Variants in CFAP20 observed in about 807,000 individuals in gnomAD.
CFAP20 encodes the protein cilia and flagella associated protein 20.
In CFAP20, 14 loss-of-function variants were observed where a neutral mutation model predicts 25.5. That is an observed-to-expected ratio of 0.55 (90% CI 0.36 to 0.86). CFAP20 has a LOEUF of 0.86. Ranked by LOEUF, CFAP20 falls within the 40% of genes least tolerant of loss-of-function variation. The probability of loss-of-function intolerance (pLI) is 0.01; values close to 1 mark genes in which losing one functional copy is unlikely to be tolerated. For synonymous variants in CFAP20, 75 were observed against 91.1 expected (o/e 0.82, Z 1.01); for missense variants, 181 against 248.0 (o/e 0.73, Z 1.81).
At chr16:58,128,223 A>AT (rs2142371987) in intron 1 of CFAP20, among the ~76,000 whole-genome samples, 2 of 152,356 alleles carry the variant, frequency 1.3e-5, no homozygotes, top group African/African-American at 4.8e-5. Flanking sequence ...CAAAAAACAG[A>AT]TTCATCATCT....
chr16:58,117,719 C>T (rs570371489), intron 1 of CFAP20, among the ~76,000 whole-genome samples: 1 of 152,332 alleles, frequency 6.6e-6, no homozygotes, highest in Admixed American at 6.5e-5. Context: ...AGGCATGGGC[C>T]ACTGCGCCCG....
chr16:58,125,743 T>C (rs577364616), intron 1 of CFAP20, among the ~76,000 whole-genome samples: 5 of 152,340 alleles, frequency 3.3e-5, no homozygotes, highest in African/African-American at 7.2e-5. Context: ...GCCAGTAACA[T>C]AGTCATTTAT....
At chr16:58,126,713 T>A (rs965411879) in intron 1 of CFAP20, among the ~76,000 whole-genome samples, 1 of 152,136 alleles carries the variant, frequency 6.6e-6, no homozygotes, top group Non-Finnish European at 1.5e-5. Flanking sequence ...ATTTTCTCTA[T>A]CTTCCCAAGT....
In CFAP20 at chr16:58,115,127, C is replaced by T; in HGVS notation, c.465+142G>A. ...CCCGACTTCTGAATATTTCCTGGAC[C>T]TTTGTGAGGCCAAAGCTCCCTGGAC... On this transcript the variant is annotated intron_variant, in intron 4 of 5. Coordinates refer to ENST00000262498, the MANE Select transcript of CFAP20 (RefSeq NM_013242.3). The T allele has an allele frequency of 4.0e-6, 5 of 1,252,756 alleles. 1 individual carries two copies. The South Asian group carries it at 6.2e-5, about 16-fold the overall frequency. 77.6% of individuals were successfully genotyped at this position (1,252,756 alleles called of 1,614,324 possible).
chr16:58,115,622 G>A (rs1173178854), intron 3 of CFAP20, 165 bp from the exon 4 acceptor site: 14 of 747,156 alleles, frequency 1.9e-5, no homozygotes, highest in East Asian at 8.1e-5. Context: ...CAGATGGCCC[G>A]GAAGTAGCAA....
At chr16:58,114,770 C>A (rs77457068) in intron 5 of CFAP20, 40 bp downstream of exon 5, 21 of 1,500,014 alleles carry the variant, frequency 1.4e-5, no homozygotes, top group Non-Finnish European at 1.7e-5. Context: ...CAGCTCCCCC[C>A]ACTCACTGGT....
chr16:58,114,754 G>A (rs1960433736), intron 5 of CFAP20, 56 bp downstream of exon 5: 1 of 1,428,656 alleles, frequency 7.0e-7, no homozygotes, highest in African/African-American at 1.4e-5. Context: ...GCACCTTCCA[G>A]GAACACAGCT....
At chr16:58,115,935 C>T in intron 3 of CFAP20, 106 bp downstream of exon 3, 1 of 731,646 alleles carries the variant, frequency 1.4e-6, no homozygotes, top group South Asian at 1.9e-5. Flanking sequence ...GAAAAGAATA[C>T]ATGCAAAAGG....
At chr16:58,125,766 G>A (rs1248132878) in intron 1 of CFAP20, among the ~76,000 whole-genome samples, 3 of 152,138 alleles carry the variant, frequency 2.0e-5, no homozygotes, top group Admixed American at 1.3e-4. Flanking sequence ...TCAAGTGTTA[G>A]GCACTGAACA....
At chr16:58,127,835 G>T (rs533194377) in intron 1 of CFAP20, among the ~76,000 whole-genome samples, 1 of 152,300 alleles carries the variant, frequency 6.6e-6, no homozygotes, top group African/African-American at 2.4e-5. Context: ...GAGTTCCCTA[G>T]TGGTGACAGG....
intron 1 of CFAP20, among the ~76,000 whole-genome samples, chr16:58,118,008 C>G (rs1324657253): frequency 6.6e-6 from 1 of 152,190 alleles, no homozygotes; most frequent in African/African-American, 2.4e-5. Context: ...AATTTAGCAC[C>G]TCATCCTACA....
intron 5 of CFAP20, 147 bp downstream of exon 5, chr16:58,114,663 A>C: frequency 1.6e-6 from 1 of 622,406 alleles, no homozygotes; most frequent in Non-Finnish European, 2.9e-6. Flanking sequence ...CAGTGCTGGA[A>C]GGAGACCTAA....
intron 1 of CFAP20, among the ~76,000 whole-genome samples, chr16:58,117,294 G>A (rs939894541): frequency 2.6e-5 from 4 of 152,188 alleles, no homozygotes; most frequent in Non-Finnish European, 5.9e-5. Context: ...CAACAAGGCA[G>A]GTGATACTGT....
intron 1 of CFAP20, among the ~76,000 whole-genome samples, chr16:58,118,438 G>A (rs1182173211): frequency 6.6e-6 from 1 of 151,352 alleles, no homozygotes; most frequent in African/African-American, 2.4e-5. Flanking sequence ...AGCTGTGTTT[G>A]TGCCACTGCA....
chr16:58,119,186 C>T (rs945658181), intron 1 of CFAP20: 1 of 152,176 alleles, frequency 6.6e-6, no homozygotes, highest in African/African-American at 2.4e-5. Flanking sequence ...CATGGTCTGC[C>T]TGGTGTTCTA....
At chr16:58,115,591 A>C (rs1486557843) in intron 3 of CFAP20, 134 bp from the exon 4 acceptor site, 3 of 1,062,846 alleles carry the variant, frequency 2.8e-6, no homozygotes, top group Non-Finnish European at 4.1e-6. Context: ...AACAGACCAG[A>C]CACAGGTCAT....
chr16:58,127,493 T>C lies in CFAP20; in HGVS notation c.84+1539A>G, dbSNP rs546977889. Among the ~76,000 whole-genome samples the C allele has an allele frequency of 3.1e-4, 47 of 152,340 alleles. No homozygotes were observed. In the East Asian group the frequency reaches 8.5e-3, roughly 27 times the overall value. On this transcript the variant is annotated intron_variant, in intron 1 of 5. Transcript: ENST00000262498. ...TTCATGCCTTCTGACAGCCCATAAC[T>C]GAGTCAAGTGACAGCTGGGAAGCCA...
Position 58,124,236 on chromosome 16 carries a change from A to G in CFAP20, c.84+4796T>C, listed in dbSNP as rs368788456. ...ACGGTGCAACAACTAAATTCTTCTC[A>G]TTTCAGGAGTCTGGTTTTACAGTAC... On this transcript the variant is annotated intron_variant, in intron 1 of 5. Transcript: ENST00000262498. 1.1e-4 allele frequency among the ~76,000 whole-genome samples: 17 copies of G among 152,302 alleles called. No homozygotes were observed. In the South Asian group the frequency reaches 3.1e-3, roughly 28 times the overall value.
chr16:58,128,034 GC>G (rs1265786578), intron 1 of CFAP20, among the ~76,000 whole-genome samples: 1 of 152,124 alleles, frequency 6.6e-6, no homozygotes, highest in Non-Finnish European at 1.5e-5. Flanking sequence ...ACCCACACTC[GC>G]CATTCTCCCA....
Sources: allele counts gnomAD v4.1 joint callset (sites outside exome capture counted in the v4.1 genomes callset), GRCh38; gene constraint gnomAD v4.1.1; transcripts MANE v1.5; gene names NCBI Gene and HGNC (gene_info 2026-07-23, HGNC 2026-07-21).